Variants in MARK1 observed in about 807,000 individuals in gnomAD.
MARK1 encodes the protein microtubule affinity regulating kinase 1.
A neutral mutation model predicts 96.3 loss-of-function variants in MARK1; 40 were observed. The observed-to-expected ratio is 0.42, with a 90% CI of 0.32 to 0.54. The LOEUF (loss-of-function observed/expected upper bound fraction) is 0.54. Ranked by LOEUF, MARK1 falls within the 20% of genes least tolerant of loss-of-function variation. The pLI, the probability that MARK1 is intolerant of heterozygous loss-of-function variation, is 0.16. For synonymous variants in MARK1, 317 were observed against 341.2 expected, an observed-to-expected ratio of 0.93 and a Z score of 0.78; for missense variants, 719 against 984.6, an observed-to-expected ratio of 0.73 and a Z score of 3.61.
At chr1:220,632,635 G>A (rs1313957489) in intron 11 of MARK1, among the ~76,000 whole-genome samples, 1 of 152,164 alleles carries the variant, frequency 6.6e-6, no homozygotes, top group East Asian at 1.9e-4. Flanking sequence ...TTCCAAGTGT[G>A]CAGAAAAGAC....
intron 6 of MARK1, among the ~76,000 whole-genome samples, chr1:220,610,384 T>C (rs537510522): frequency 6.6e-6 from 1 of 152,322 alleles, no homozygotes; most frequent in African/African-American, 2.4e-5. Context: ...TCTCGCACCA[T>C]GGTTTTCAGC....
chr1:220,659,956 T>A (rs1669385062), intron 17 of MARK1, among the ~76,000 whole-genome samples: 1 of 152,118 alleles, frequency 6.6e-6, no homozygotes, highest in Non-Finnish European at 1.5e-5. Context: ...CCTGGCTAAT[T>A]TTTGTATTTT....
chr1:220,628,171 C>T (rs1667455312), intron 9 of MARK1: 2 of 152,204 alleles, frequency 1.3e-5, no homozygotes, highest in African/African-American at 4.8e-5. Flanking sequence ...TTCTCAGTAT[C>T]TCACCCCTTC....
intron 1 of MARK1, among the ~76,000 whole-genome samples, chr1:220,558,385 C>A (rs981243546): frequency 1.3e-5 from 2 of 150,754 alleles, no homozygotes; most frequent in East Asian, 1.9e-4. Flanking sequence ...AAAGAAAAAA[C>A]CAGGTAAGAT....
Position 220,661,965 on chromosome 1 carries a change from CTG to C in MARK1, c.2190_2191del (p.Cys730Ter), listed in dbSNP as rs1480842097. 6.2e-7 allele frequency: 1 copy of C among 1,614,024 alleles called. No homozygotes were observed. Among genetic ancestry groups the C allele is most frequent in the African/African-American group, 1.3e-5 (1 of 74,900 alleles). On this transcript the variant is annotated frameshift_variant, in exon 18 of 18. Coordinates refer to ENST00000366917, the MANE Select transcript of MARK1 (RefSeq NM_018650.5). LOFTEE classifies it high-confidence loss of function. Reference protein sequence around the residue: ...EIRKVLDANNCDYEQKERFLL... With the variant: ...EIRKVLDANNXDYEQKERFLL... ...TCCGAAAAGTGTTAGATGCAAATAA[CTG>C]TGATTATGAGCAAAAAGAGAGATTT...
At chr1:220,584,529 A>T (rs189229439) in intron 3 of MARK1, among the ~76,000 whole-genome samples, 14 of 152,348 alleles carry the variant, frequency 9.2e-5, no homozygotes, top group African/African-American at 1.9e-4. Flanking sequence ...TACCTGTTAT[A>T]TAAAATGTTG....
intron 1 of MARK1, chr1:220,576,857 A>G (rs766611309): frequency 3.9e-5 from 6 of 152,378 alleles, no homozygotes; most frequent in African/African-American, 7.2e-5. Flanking sequence ...TGAGAGTTCT[A>G]ATAGTTGAAG....
intron 1 of MARK1, among the ~76,000 whole-genome samples, chr1:220,544,280 A>G (rs1235851309): frequency 6.6e-6 from 1 of 152,200 alleles, no homozygotes. Context: ...TGTGTGTTGG[A>G]AACTTAATAC....
intron 1 of MARK1, among the ~76,000 whole-genome samples, chr1:220,574,372 T>C (rs1663687899): frequency 6.6e-6 from 1 of 152,246 alleles, no homozygotes. Flanking sequence ...GCAAAGCACC[T>C]GCAATTAATA....
chr1:220,637,535 T>C (rs1454086142), intron 13 of MARK1, among the ~76,000 whole-genome samples: 1 of 151,856 alleles, frequency 6.6e-6, no homozygotes, highest in Non-Finnish European at 1.5e-5. Flanking sequence ...TAAAATTAGC[T>C]GGGCATGGTG....
At chr1:220,556,736 A>T (rs995206468) in intron 1 of MARK1, among the ~76,000 whole-genome samples, 1 of 152,226 alleles carries the variant, frequency 6.6e-6, no homozygotes, top group Non-Finnish European at 1.5e-5. Flanking sequence ...AATAGAAATT[A>T]TAGAAATGAA....
intron 1 of MARK1, among the ~76,000 whole-genome samples, chr1:220,545,549 G>A (rs1041517169): frequency 4.3e-5 from 6 of 140,564 alleles, no homozygotes; most frequent in South Asian, 2.4e-4. Flanking sequence ...CAATCCATCC[G>A]CCTCAGCCTC....
At chr1:220,534,108 T>C (rs1433451987) in intron 1 of MARK1, among the ~76,000 whole-genome samples, 1 of 152,082 alleles carries the variant, frequency 6.6e-6, no homozygotes, top group Non-Finnish European at 1.5e-5. Flanking sequence ...GAGTAGATTT[T>C]AGTGGTGGTA....
chr1:220,565,044 A>G (rs932950821), intron 1 of MARK1, among the ~76,000 whole-genome samples: 1 of 152,158 alleles, frequency 6.6e-6, no homozygotes, highest in Non-Finnish European at 1.5e-5. Flanking sequence ...TACCTATTTT[A>G]TGCAAAAGCA....
chr1:220,550,999 C>T (rs1326620442), intron 1 of MARK1, among the ~76,000 whole-genome samples: 3 of 152,146 alleles, frequency 2.0e-5, no homozygotes, highest in East Asian at 1.9e-4. Context: ...ATCCTCAGGG[C>T]CAGCAGTCAG....
In MARK1 at chr1:220,566,083, G is replaced by C. The variant is rs79006376; in HGVS notation, c.52-13271G>C. Among the ~76,000 whole-genome samples the C allele has an allele frequency of 2.2e-3, 331 of 152,146 alleles. 1 individual carries two copies. The highest frequency in any genetic ancestry group is 7.5e-3 in the African/African-American group (313 of 41,514). On this transcript the variant is annotated intron_variant, in intron 1 of 17. Coordinates refer to ENST00000366917, the MANE Select transcript of MARK1 (RefSeq NM_018650.5). ...CTTCTGATGTCTCATCTTTAAATTGGGTAATGTTATCAGTTTCTCAAGCTT... is the reference window on the plus strand; with the variant it reads ...CTTCTGATGTCTCATCTTTAAATTGCGTAATGTTATCAGTTTCTCAAGCTT...
chr1:220,604,228 A>G, intron 6 of MARK1, 91 bp downstream of exon 6: 1 of 647,278 alleles, frequency 1.5e-6, no homozygotes, highest in Non-Finnish European at 2.6e-6. Flanking sequence ...AGCACATGGT[A>G]TTTTAAAAAG....
At chr1:220,638,659 AAT>A (rs1173508860) in intron 13 of MARK1, among the ~76,000 whole-genome samples, 1 of 152,202 alleles carries the variant, frequency 6.6e-6, no homozygotes, top group East Asian at 1.9e-4. Flanking sequence ...ATTCAAATTA[AAT>A]ATGTCACACT....
At chr1:220,536,057 G>A (rs1156885235) in intron 1 of MARK1, among the ~76,000 whole-genome samples, 2 of 151,960 alleles carry the variant, frequency 1.3e-5, no homozygotes, top group East Asian at 1.9e-4. Context: ...CATTAGGTTA[G>A]TTCTTTGTTA....
Sources: gnomAD v4.1 joint callset for allele counts (sites outside exome capture counted in the v4.1 genomes callset) on GRCh38, gnomAD v4.1.1 for gene constraint, MANE v1.5 for transcripts, NCBI Gene and HGNC (gene_info 2026-07-23, HGNC 2026-07-21) for gene names.